PKIB: variants seen among roughly 807,000 people sequenced by gnomAD.
The protein encoded by PKIB is PKI-beta.
PKIB carries 2 observed loss-of-function variants against 4.5 expected under a neutral mutation model. The observed-to-expected ratio is 0.44, with a 90% CI of 0.18 to 1.39. PKIB has a LOEUF of 1.39. Among genes scored for constraint, PKIB ranks in the 40% most tolerant of loss-of-function variants. The pLI is 0.27. For synonymous variants in PKIB, 38 were observed against 36.0 expected (o/e 1.06, Z -0.20); for missense variants, 94 against 92.6 (o/e 1.02, Z -0.06).
chr6:122,678,779 G>T (rs1277937448), intron 3 of PKIB, among the ~76,000 whole-genome samples: 2 of 152,180 alleles, frequency 1.3e-5, no homozygotes. Context: ...TACTAGGAGA[G>T]TCAAAGAAGT....
chr6:122,691,570 C>T (rs1049992660), intron 3 of PKIB, among the ~76,000 whole-genome samples: 10 of 151,936 alleles, frequency 6.6e-5, no homozygotes, highest in South Asian at 4.2e-4. Context: ...TACATTTAAC[C>T]GATAGAATTC....
chr6:122,521,124 T>A (rs906225648), intron 2 of PKIB, among the ~76,000 whole-genome samples: 11 of 152,208 alleles, frequency 7.2e-5, no homozygotes, highest in African/African-American at 2.7e-4. Context: ...TTTTGGTGCA[T>A]CTCATCGATT....
At chr6:122,673,984 T>C (rs1777567852) in intron 2 of PKIB, among the ~76,000 whole-genome samples, 1 of 151,910 alleles carries the variant, frequency 6.6e-6, no homozygotes, top group Admixed American at 6.6e-5. Context: ...GAAGATATAC[T>C]AGCAAGGAGA....
At chr6:122,604,492 T>C (rs773067568) in intron 3 of PKIB, among the ~76,000 whole-genome samples, 1 of 151,992 alleles carries the variant, frequency 6.6e-6, no homozygotes, top group Non-Finnish European at 1.5e-5. Context: ...TTATGAAAAT[T>C]AGAAAAAAAG....
chr6:122,564,925 T>A (rs1768209053), intron 2 of PKIB, among the ~76,000 whole-genome samples: 1 of 152,182 alleles, frequency 6.6e-6, no homozygotes, highest in African/African-American at 2.4e-5. Context: ...GGTATGCAGC[T>A]AATCTGTATT....
chr6:122,568,063 CA>C (rs915512312), intron 2 of PKIB, among the ~76,000 whole-genome samples: 1 of 151,780 alleles, frequency 6.6e-6, no homozygotes, highest in African/African-American at 2.4e-5. Context: ...TTTCATACGT[CA>C]AAAAACGAAT....
upstream of PKIB, among the ~76,000 whole-genome samples, chr6:122,608,160 C>T (rs149136393): frequency 1.4e-4 from 22 of 152,322 alleles, no homozygotes; most frequent in African/African-American, 5.3e-4. Context: ...CAACTTATCT[C>T]TCTCATTTGA....
chr6:122,603,531 T>G (rs1277755767), intron 3 of PKIB, among the ~76,000 whole-genome samples: 1 of 152,166 alleles, frequency 6.6e-6, no homozygotes, highest in Non-Finnish European at 1.5e-5. Context: ...TAGGCTAGAG[T>G]ACAGTGGTGC....
At chr6:122,685,789 C>T (rs1425782823) in intron 3 of PKIB, among the ~76,000 whole-genome samples, 1 of 152,014 alleles carries the variant, frequency 6.6e-6, no homozygotes, top group African/African-American at 2.4e-5. Flanking sequence ...CCTTTACTAC[C>T]ATCCCACCAC....
intron 2 of PKIB, among the ~76,000 whole-genome samples, chr6:122,516,032 A>G (rs1776740022): frequency 6.6e-6 from 1 of 152,124 alleles, no homozygotes; most frequent in African/African-American, 2.4e-5. Context: ...GTTTTTAATG[A>G]TTCCTGGCTC....
chr6:122,667,401 G>T (rs1777268629), intron 2 of PKIB, among the ~76,000 whole-genome samples: 3 of 152,108 alleles, frequency 2.0e-5, no homozygotes, highest in African/African-American at 7.2e-5. Context: ...GCTGGGCGTG[G>T]TGGCGGGCGC....
At chr6:122,704,096 TG>T (rs1286579161) in intron 3 of PKIB, among the ~76,000 whole-genome samples, 3 of 151,936 alleles carry the variant, frequency 2.0e-5, no homozygotes, top group Non-Finnish European at 2.9e-5. Flanking sequence ...GACCCACTAT[TG>T]TCGGTTCCAG....
At chr6:122,541,864 C>T (rs1269607700) in intron 2 of PKIB, among the ~76,000 whole-genome samples, 67 of 151,928 alleles carry the variant, frequency 4.4e-4, no homozygotes, top group Admixed American at 1.4e-3. Context: ...CCATATTTCT[C>T]GGAGGCTTTG....
intron 3 of PKIB, among the ~76,000 whole-genome samples, chr6:122,679,723 T>C (rs139253142): frequency 1.3e-3 from 199 of 152,270 alleles, no homozygotes; most frequent in Non-Finnish European, 2.6e-3. Flanking sequence ...GAAGGTGATA[T>C]TTCTAAGCCA....
At chr6:122,474,690 A>C (rs1775407640) in intron 1 of PKIB, among the ~76,000 whole-genome samples, 1 of 152,230 alleles carries the variant, frequency 6.6e-6, no homozygotes, top group African/African-American at 2.4e-5. Flanking sequence ...CAGGAGAAAG[A>C]CCAAAATACT....
intron 2 of PKIB, among the ~76,000 whole-genome samples, chr6:122,662,388 T>C (rs1456374663): frequency 7.4e-6 from 1 of 135,476 alleles, no homozygotes; most frequent in Non-Finnish European, 1.6e-5. Context: ...CAATCTGGGC[T>C]CACTGCAACC....
At chr6:122,556,448 A>G (rs941499355) in intron 2 of PKIB, among the ~76,000 whole-genome samples, 1 of 152,160 alleles carries the variant, frequency 6.6e-6, no homozygotes, top group African/African-American at 2.4e-5. Flanking sequence ...TTTAGAAACA[A>G]CAAACTTCTT....
At chr6:122,475,023 T>C (rs1033549684) in intron 1 of PKIB, among the ~76,000 whole-genome samples, 1 of 152,216 alleles carries the variant, frequency 6.6e-6, no homozygotes, top group Admixed American at 6.5e-5. Context: ...TCAGTCATTT[T>C]GGTTTGTTGT....
upstream of PKIB, among the ~76,000 whole-genome samples, chr6:122,607,241 A>G (rs950209300): frequency 2.6e-5 from 4 of 152,054 alleles, no homozygotes; most frequent in African/African-American, 9.7e-5. Flanking sequence ...TGGAAGGCCA[A>G]GACGGGTGGA....
Sources: allele counts gnomAD v4.1 joint callset (sites outside exome capture counted in the v4.1 genomes callset), GRCh38; gene constraint gnomAD v4.1.1; transcripts MANE v1.5; gene names NCBI Gene and HGNC (gene_info 2026-07-23, HGNC 2026-07-21).